The following SCHIP1 variants were observed in gnomAD, a reference collection of about 807,000 sequenced individuals.
The protein encoded by SCHIP1 is schwannomin interacting protein 1.
SCHIP1 carries 8 observed loss-of-function variants against 29.7 expected under a neutral mutation model. The observed-to-expected ratio is 0.27, with a 90% CI of 0.16 to 0.49. The LOEUF is 0.49. Among genes scored for constraint, SCHIP1 ranks in the 20% least tolerant of loss-of-function variants. The pLI, the probability that SCHIP1 is intolerant of heterozygous loss-of-function variation, is 0.99. For synonymous variants in SCHIP1, 76 were observed against 94.9 expected, an observed-to-expected ratio of 0.80 and a Z score of 1.16; for missense variants, 193 against 294.6, an observed-to-expected ratio of 0.66 and a Z score of 2.52.
chr3:159,650,116 T>C, the SCHIP1 span, among the ~76,000 whole-genome samples: 2 of 152,208 alleles, frequency 1.3e-5, no homozygotes, highest in African/African-American at 2.4e-5. Flanking sequence ...GAAGGGACTT[T>C]GAGAGATCAT....
chr3:159,554,028 G>GTGTA, the SCHIP1 span, among the ~76,000 whole-genome samples: 25 of 73,442 alleles, frequency 3.4e-4, no homozygotes, highest in African/African-American at 2.7e-3. Context: ...GTTTGTGTAT[G>GTGTA]TGTGTGTGTG....
the SCHIP1 span, chr3:159,401,465 G>A: frequency 1.7e-6 from 1 of 589,100 alleles, no homozygotes. Context: ...GCCTGGCACA[G>A]GCATAATTTT....
At chr3:159,503,843 C>T in the SCHIP1 span, among the ~76,000 whole-genome samples, 1 of 152,116 alleles carries the variant, frequency 6.6e-6, no homozygotes, top group Non-Finnish European at 1.5e-5. Context: ...TACTGAGTAA[C>T]CCTTAGGTGC....
chr3:159,280,833 G>T, the SCHIP1 span, among the ~76,000 whole-genome samples: 4 of 152,148 alleles, frequency 2.6e-5, no homozygotes, highest in Non-Finnish European at 5.9e-5. Context: ...AGGATGAACT[G>T]TGCCAGGCCT....
the SCHIP1 span, among the ~76,000 whole-genome samples, chr3:159,554,004 G>A: frequency 1.6e-5 from 2 of 123,348 alleles, no homozygotes; most frequent in East Asian, 4.9e-4. Context: ...GTGTGTGTGT[G>A]TGTGTGTGTG....
chr3:159,824,346 G>A, the SCHIP1 span, among the ~76,000 whole-genome samples: 2 of 152,308 alleles, frequency 1.3e-5, no homozygotes, highest in Admixed American at 1.3e-4. Flanking sequence ...ATGTCCAAGA[G>A]GTGTAGCCTT....
chr3:159,358,651 A>G, the SCHIP1 span, among the ~76,000 whole-genome samples: 2 of 152,216 alleles, frequency 1.3e-5, no homozygotes, highest in Non-Finnish European at 2.9e-5. Context: ...CTTCTCAACC[A>G]AAGACTTTGG....
the SCHIP1 span, among the ~76,000 whole-genome samples, chr3:159,334,124 A>C: frequency 6.6e-6 from 1 of 152,226 alleles, no homozygotes; most frequent in African/African-American, 2.4e-5. Context: ...TAAAGCCACA[A>C]GAAAATATGT....
the SCHIP1 span, among the ~76,000 whole-genome samples, chr3:159,451,292 T>C: frequency 6.6e-6 from 1 of 152,234 alleles, no homozygotes; most frequent in African/African-American, 2.4e-5. Context: ...TTAACTCTGA[T>C]GACACATGTC....
the SCHIP1 span, among the ~76,000 whole-genome samples, chr3:159,358,832 TGA>T: frequency 6.6e-6 from 1 of 151,764 alleles, no homozygotes; most frequent in African/African-American, 2.4e-5. Context: ...GCTGCGCTTA[TGA>T]GAGACTCCCT....
the SCHIP1 span, among the ~76,000 whole-genome samples, chr3:159,749,414 GA>G: frequency 6.6e-6 from 1 of 151,850 alleles, no homozygotes; most frequent in African/African-American, 2.4e-5. Flanking sequence ...TCCAAAATAA[GA>G]AAAGTGAAGA....
chr3:159,883,827 G>T (rs565417478), intron 2 of SCHIP1, among the ~76,000 whole-genome samples: 2 of 152,066 alleles, frequency 1.3e-5, no homozygotes, highest in Admixed American at 6.6e-5. Context: ...TTGATTTTAC[G>T]CAGACTACTA....
chr3:159,288,759 A>G, the SCHIP1 span, among the ~76,000 whole-genome samples: 1 of 152,230 alleles, frequency 6.6e-6, no homozygotes, highest in Non-Finnish European at 1.5e-5. Context: ...AAGGTGGACA[A>G]CATTGAGAAC....
chr3:159,273,863 C>G, the SCHIP1 span: 2 of 1,613,440 alleles, frequency 1.2e-6, no homozygotes, highest in South Asian at 1.1e-5. Context: ...GGACTGTGAC[C>G]AGGGCAAGCA....
chr3:159,433,848 G>A, the SCHIP1 span, among the ~76,000 whole-genome samples: 1 of 152,116 alleles, frequency 6.6e-6, no homozygotes, highest in African/African-American at 2.4e-5. Context: ...CAACAAGTAG[G>A]TGCCGAATAA....
the SCHIP1 span, among the ~76,000 whole-genome samples, chr3:159,354,136 A>G: frequency 6.6e-6 from 1 of 152,212 alleles, no homozygotes; most frequent in Non-Finnish European, 1.5e-5. Flanking sequence ...ATTGTTACTC[A>G]CTGACTTATA....
the SCHIP1 span, among the ~76,000 whole-genome samples, chr3:159,414,859 T>C: frequency 9.3e-4 from 142 of 152,280 alleles, no homozygotes; most frequent in African/African-American, 3.4e-3. Flanking sequence ...ATAGGGTTCA[T>C]GATCCTATGA....
chr3:159,327,817 C>A, the SCHIP1 span, among the ~76,000 whole-genome samples: 5 of 152,080 alleles, frequency 3.3e-5, no homozygotes, highest in African/African-American at 1.2e-4. Flanking sequence ...GCAAAGGAAG[C>A]AAATTAGTGG....
At chr3:159,383,438 G>C in the SCHIP1 span, among the ~76,000 whole-genome samples, 1 of 151,740 alleles carries the variant, frequency 6.6e-6, no homozygotes, top group Non-Finnish European at 1.5e-5. Flanking sequence ...CGTTATTTCT[G>C]AGGGCTCTAT....
Sources: allele counts gnomAD v4.1 joint callset (sites outside exome capture counted in the v4.1 genomes callset), GRCh38; gene constraint gnomAD v4.1.1; transcripts MANE v1.5; gene names NCBI Gene and HGNC (gene_info 2026-07-23, HGNC 2026-07-21).